ZCCHC14: variants seen among roughly 807,000 people sequenced by gnomAD.
ZCCHC14 encodes zinc finger CCHC-type containing 14, also known as zinc finger CCHC domain-containing protein 14.
ZCCHC14 carries 16 observed loss-of-function variants against 85.0 expected under a neutral mutation model. The observed-to-expected ratio is 0.19, with a 90% CI of 0.13 to 0.29. The LOEUF (loss-of-function observed/expected upper bound fraction) is 0.29, where lower values mean the gene tolerates loss of function less well. ZCCHC14 is among the 10% of genes least tolerant of loss of function. The pLI is 1.00. For synonymous variants in ZCCHC14, 775 were observed against 630.7 expected, an observed-to-expected ratio of 1.23 and a Z score of -3.43; for missense variants, 1,303 against 1,443.5, an observed-to-expected ratio of 0.90 and a Z score of 1.58.
chr16:87,408,523 G>C lies in ZCCHC14; in HGVS notation c.*1757C>G, dbSNP rs1368918765. The stretch of plus-strand genomic sequence containing the variant: ...AGTGTTTACAATTTAAGAGATCAAC[G>C]TAACATTCCCCTAAATAGCTGTTGT... On this transcript the variant is annotated 3_prime_UTR_variant, in exon 13 of 13. Transcript: ENST00000671377. 1 of 152,534 alleles carries C rather than the reference G, an allele frequency of 6.6e-6. No homozygotes were observed. The highest frequency in any genetic ancestry group is 1.5e-5 in the Non-Finnish European group (1 of 68,034). 9.4% of individuals were successfully genotyped at this position (152,534 alleles called of 1,614,324 possible). A position where few individuals can be genotyped will look rare whatever the true frequency, so the allele number is the denominator to read the frequency against.
rs1912837524 is a variant in ZCCHC14 at position 87,492,820 on chromosome 16, AGGGACGCGCGGC to A, written c.-594_-583del. Among the ~76,000 whole-genome samples, 1 of 144,506 alleles carries A rather than the reference AGGGACGCGCGGC, an allele frequency of 6.9e-6. No homozygotes were observed. The highest frequency in any genetic ancestry group is 1.5e-5 in the Non-Finnish European group (1 of 65,606). The allele number at this position is 144,506 out of a possible 152,430, so 94.8% of individuals were successfully genotyped here. A position where few individuals can be genotyped will look rare whatever the true frequency, so the allele number is the denominator to read the frequency against. On this transcript the variant is annotated 5_prime_UTR_variant, in exon 1 of 13. Coordinates refer to ENST00000671377, the MANE Select transcript of ZCCHC14 (RefSeq NM_015144.3). The surrounding 1 kb of genome is among the most constrained non-coding windows in gnomAD (Gnocchi z 6.7). ...GCCGCGAAACGGACGCTGGAGGGGG[AGGGACGCGCGGC>A]GGGAGGCGCGGAGGGATCCGGCCGG... is the stretch of plus-strand genomic sequence containing the variant.
intron 1 of ZCCHC14, chr16:87,467,484 A>G (rs1234776238): frequency 1.2e-6 from 2 of 1,606,518 alleles, no homozygotes; most frequent in African/African-American, 2.7e-5. Context: ...TGGAGGACAG[A>G]TGTACCACTA....
intron 1 of ZCCHC14, chr16:87,467,719 T>G (rs983430926): frequency 6.2e-6 from 4 of 648,322 alleles, no homozygotes; most frequent in Non-Finnish European, 8.3e-6. Flanking sequence ...TGGTGCGATC[T>G]TGGCTCACTG....
intron 2 of ZCCHC14, among the ~76,000 whole-genome samples, chr16:87,447,283 G>A (rs1233298575): frequency 6.6e-6 from 1 of 151,722 alleles, no homozygotes; most frequent in African/African-American, 2.4e-5. Flanking sequence ...GGGCCTGTGT[G>A]AAACGGCAAG....
At chr16:87,464,503 G>GT (rs1163279310) in intron 1 of ZCCHC14, among the ~76,000 whole-genome samples, 1 of 152,148 alleles carries the variant, frequency 6.6e-6, no homozygotes, top group Non-Finnish European at 1.5e-5. Flanking sequence ...TCCCCACGCA[G>GT]ACAGGAAGAG....
intron 1 of ZCCHC14, among the ~76,000 whole-genome samples, chr16:87,483,236 T>A (rs760702211): frequency 6.8e-5 from 9 of 133,278 alleles, no homozygotes; most frequent in Non-Finnish European, 4.6e-5. Flanking sequence ...GGTGGGTGGA[T>A]CTCTTGAAGT....
Position 87,491,811 on chromosome 16 carries a change from G to A in ZCCHC14, c.428C>T (p.Pro143Leu). The change falls in exon 1 of 13, where the codon CCG becomes CTG. Residue 143 changes from proline (P) to leucine (L), a missense_variant. By Grantham distance (98) the Pro-to-Leu change is moderately conservative. Transcript: ENST00000671377. The surrounding 1 kb of genome is among the most constrained non-coding windows in gnomAD (Gnocchi z 5.9). ...CTGCTTCTGGTGGAAGCTGAAGGCC[G>A]GGTGGTTGGAGGCCATGGTGAACAG... ...LLLFTMASNH[P>L]AFSFHQKQVL... The A allele has an allele frequency of 6.3e-7, 1 of 1,584,740 alleles. No homozygotes were observed. The highest frequency in any genetic ancestry group is 8.5e-7 in the Non-Finnish European group (1 of 1,169,802).
intron 2 of ZCCHC14, among the ~76,000 whole-genome samples, chr16:87,435,730 G>A (rs1477110094): frequency 2.6e-5 from 4 of 152,268 alleles, no homozygotes; most frequent in East Asian, 1.9e-4. Context: ...TCACGGATGC[G>A]GGAGTCCACT....
At chr16:87,469,427 G>T (rs909321854) in intron 1 of ZCCHC14, among the ~76,000 whole-genome samples, 3 of 152,232 alleles carry the variant, frequency 2.0e-5, no homozygotes, top group Admixed American at 6.5e-5. Flanking sequence ...TAACTACAGA[G>T]GTCTGTGATT....
intron 1 of ZCCHC14, among the ~76,000 whole-genome samples, chr16:87,477,437 C>T (rs929449585): frequency 2.6e-5 from 4 of 152,160 alleles, no homozygotes; most frequent in Admixed American, 6.5e-5. Context: ...TGGCAGAAGC[C>T]GGGGATGAGG....
At chr16:87,444,444 A>G (rs1281704755) in intron 2 of ZCCHC14, among the ~76,000 whole-genome samples, 1 of 152,236 alleles carries the variant, frequency 6.6e-6, no homozygotes, top group African/African-American at 2.4e-5. Flanking sequence ...ATACAAACTT[A>G]AATAAATGAT....
At chr16:87,430,646 C>T (rs1485704337) in intron 3 of ZCCHC14, among the ~76,000 whole-genome samples, 1 of 151,932 alleles carries the variant, frequency 6.6e-6, no homozygotes, top group Non-Finnish European at 1.5e-5. Context: ...CTCAGCCTCC[C>T]GAGTAGCTGG....
rs74038785 is a variant in ZCCHC14 at position 87,449,442 on chromosome 16, G to A, written c.694+10566C>T. Among the ~76,000 whole-genome samples, 1,348 of 152,248 alleles carry A rather than the reference G, an allele frequency of 8.9e-3. 25 individuals carry two copies. Among genetic ancestry groups the A allele is most frequent in the African/African-American group, 0.031 (1,286 of 41,552 alleles). ...CTAGGCCCTCCATCCATGATCACGA[G>A]GGAGGAGAGAGGAGCACTCAGCAAA... On this transcript the variant is annotated intron_variant, in intron 2 of 12. Transcript: ENST00000671377.
At chr16:87,425,524 C>T (rs1467201706) in intron 3 of ZCCHC14, among the ~76,000 whole-genome samples, 4 of 151,232 alleles carry the variant, frequency 2.6e-5, no homozygotes, top group African/African-American at 7.3e-5. Context: ...TGCAGTGAGC[C>T]GAGATCGCGC....
chr16:87,434,932 A>G (rs538281451), intron 2 of ZCCHC14, among the ~76,000 whole-genome samples: 1 of 137,220 alleles, frequency 7.3e-6, no homozygotes, highest in South Asian at 2.4e-4. Context: ...CGGAGGTTGC[A>G]GTGAGCCGAT....
At chr16:87,479,234 A>G (rs190247959) in intron 1 of ZCCHC14, among the ~76,000 whole-genome samples, 2,545 of 151,990 alleles carry the variant, frequency 0.017, 23 homozygotes, top group Middle Eastern at 0.041. Flanking sequence ...TGACCAACAT[A>G]GTGAAACCCT....
chr16:87,414,949 G>A (rs1908705012), intron 9 of ZCCHC14, among the ~76,000 whole-genome samples: 2 of 152,176 alleles, frequency 1.3e-5, no homozygotes. Context: ...AGGCGTGGTG[G>A]CGGGTGCCTG....
At chr16:87,466,335 G>A (rs974488531) in intron 1 of ZCCHC14, among the ~76,000 whole-genome samples, 2 of 152,244 alleles carry the variant, frequency 1.3e-5, no homozygotes, top group African/African-American at 4.8e-5. Flanking sequence ...GACGCAGTCA[G>A]ATGGAAGCAC....
At chr16:87,456,807 T>C (rs1192409079) in intron 2 of ZCCHC14, among the ~76,000 whole-genome samples, 1 of 152,214 alleles carries the variant, frequency 6.6e-6, no homozygotes. Context: ...CTTTGGAATC[T>C]CTAATTTTTA....
Sources: gnomAD v4.1 joint callset for allele counts (sites outside exome capture counted in the v4.1 genomes callset) on GRCh38, gnomAD v4.1.1 for gene constraint, Gnocchi (gnomAD v3.1) non-coding constraint, MANE v1.5 for transcripts, NCBI Gene and HGNC (gene_info 2026-07-23, HGNC 2026-07-21) for gene names.